Variants in SYNGR1 observed in about 807,000 individuals in gnomAD.
The protein encoded by SYNGR1 is synaptogyrin-1.
In SYNGR1, 14 loss-of-function variants were observed where a neutral mutation model predicts 26.1. The ratio of observed to expected loss-of-function variants is 0.54; its 90% CI spans 0.35 to 0.84. The LOEUF (loss-of-function observed/expected upper bound fraction) is 0.84, where lower values mean the gene tolerates loss of function less well. SYNGR1 is among the 40% of genes least tolerant of loss of function. SYNGR1 has a pLI of 0.01. For synonymous variants in SYNGR1, 141 were observed against 150.1 expected, an observed-to-expected ratio of 0.94 and a Z score of 0.44; for missense variants, 319 against 332.9, an observed-to-expected ratio of 0.96 and a Z score of 0.33.
chr22:39,376,981 G>A, intron 3 of SYNGR1: 1 of 1,550,574 alleles, frequency 6.4e-7, no homozygotes, highest in Non-Finnish European at 8.7e-7. Flanking sequence ...TCTGGGTCAT[G>A]TCTGTTTCTT....
intron 1 of SYNGR1, among the ~76,000 whole-genome samples, chr22:39,369,474 C>CG (rs1924919317): frequency 6.6e-6 from 1 of 152,170 alleles, no homozygotes; most frequent in Admixed American, 6.5e-5. Context: ...GCTACCCTCC[C>CG]GGCCTTCCTC....
At chr22:39,376,319 C>G (rs1925281935) in intron 3 of SYNGR1, 122 bp downstream of exon 3, 2 of 1,509,198 alleles carry the variant, frequency 1.3e-6, no homozygotes, top group South Asian at 1.1e-5. Context: ...TACCCTCGCT[C>G]CCTCTTCTGC....
rs1419265699 is a variant in SYNGR1 at position 39,384,877 on chromosome 22, G to A, written c.*2963G>A. 3 of 398,880 alleles carry A rather than the reference G, an allele frequency of 7.5e-6. No individual in the cohort carries two copies. The highest frequency in any genetic ancestry group is 4.1e-5 in the African/African-American group (2 of 48,624). The allele number at this position is 398,880 out of a possible 1,614,324, so 24.7% of individuals were successfully genotyped here. A position where few individuals can be genotyped will look rare whatever the true frequency, so the allele number is the denominator to read the frequency against. On this transcript the variant is annotated 3_prime_UTR_variant, in exon 4 of 4. Transcript: ENST00000328933. ...ACTTGTCCAAGGTCAAGCACAGAGGGAGAGGTTCAGGAGTCAGGTCTTCTG... is the reference window on the plus strand; with the variant it reads ...ACTTGTCCAAGGTCAAGCACAGAGGAAGAGGTTCAGGAGTCAGGTCTTCTG...
chr22:39,368,640 G>C (rs942883888), intron 1 of SYNGR1, among the ~76,000 whole-genome samples: 1 of 152,186 alleles, frequency 6.6e-6, no homozygotes, highest in Non-Finnish European at 1.5e-5. Context: ...TCTCCCAAGA[G>C]AGCCCAGTCT....
intron 1 of SYNGR1, among the ~76,000 whole-genome samples, chr22:39,354,962 C>G (rs937322177): frequency 6.6e-6 from 1 of 152,112 alleles, no homozygotes; most frequent in African/African-American, 2.4e-5. Context: ...ATTCTGGGAC[C>G]AGCGGTTGTT....
At chr22:39,376,864 G>A (rs1483201400) in intron 3 of SYNGR1, 1 of 1,411,170 alleles carries the variant, frequency 7.1e-7, no homozygotes, top group East Asian at 2.6e-5. Context: ...TGATATGTTG[G>A]AAGTTTATTC....
In SYNGR1 at chr22:39,385,156, C is replaced by T. The variant is rs1925620751; in HGVS notation, c.*3242C>T. 1 of 396,878 alleles carries T rather than the reference C, an allele frequency of 2.5e-6. No homozygotes were observed. The allele number at this position is 396,878 out of a possible 1,614,324, so 24.6% of individuals were successfully genotyped here. Reference sequence around the variant, plus strand: ...AAGACCCCTTTGATTCTCTAAGGAGCACGAAAGGGGGAATGCCCCTCCCAG... The same window carrying T: ...AAGACCCCTTTGATTCTCTAAGGAGTACGAAAGGGGGAATGCCCCTCCCAG... On this transcript the variant is annotated 3_prime_UTR_variant, in exon 4 of 4. Transcript: ENST00000328933.
chr22:39,371,067 T>C (rs1924995894), intron 1 of SYNGR1, among the ~76,000 whole-genome samples: 2 of 152,224 alleles, frequency 1.3e-5, no homozygotes, highest in South Asian at 2.1e-4. Context: ...ATAGACATCT[T>C]ACAGAGATAA....
chr22:39,381,114 C>A (rs1925484214), intron 3 of SYNGR1, among the ~76,000 whole-genome samples: 1 of 152,062 alleles, frequency 6.6e-6, no homozygotes, highest in African/African-American at 2.4e-5. Context: ...GGTGCATGGC[C>A]CCCAGGCATC....
At chr22:39,367,553 T>C (rs1924820489) in intron 1 of SYNGR1, among the ~76,000 whole-genome samples, 2 of 152,206 alleles carry the variant, frequency 1.3e-5, no homozygotes, top group South Asian at 4.1e-4. Flanking sequence ...CCGCGCGAGG[T>C]GGCTCACGCC....
intron 3 of SYNGR1, among the ~76,000 whole-genome samples, chr22:39,376,482 CTGGGTAAA>C (rs1454478625): frequency 2.6e-5 from 4 of 151,890 alleles, no homozygotes; most frequent in African/African-American, 7.3e-5. Flanking sequence ...CCAAACCACT[CTGGGTAAA>C]TGGTGTTTAT....
chr22:39,350,213 GGCGGCGGC>G lies in SYNGR1; in HGVS notation c.99+114_99+121del, dbSNP rs951878784. ...CCGACCCCGACCCCAACGGGCCCCC[GGCGGCGGC>G]GCGGCGGCGGGCGAGGAGCTGTCCT... On this transcript the variant is annotated intron_variant, in intron 1 of 3. Transcript: ENST00000328933. This position sits in a 1 kb window ranked among gnomAD's most constrained non-coding sequence, Gnocchi z 4.3. 2.7e-5 allele frequency: 21 copies of G among 788,402 alleles called. No individual in the cohort carries two copies. Among genetic ancestry groups the G allele is most frequent in the Non-Finnish European group, 4.9e-6 (3 of 614,242 alleles). 48.8% of individuals were successfully genotyped at this position (788,402 alleles called of 1,614,324 possible).
chr22:39,350,310 C>T lies in SYNGR1; in HGVS notation c.99+201C>T, dbSNP rs1180386367. Among the ~76,000 whole-genome samples the T allele has an allele frequency of 1.3e-5, 2 of 152,066 alleles. No individual in the cohort carries two copies. Among genetic ancestry groups the T allele is most frequent in the East Asian group, 3.9e-4 (2 of 5,120 alleles). On this transcript the variant is annotated intron_variant, in intron 1 of 3. Transcript: ENST00000328933. The surrounding 1 kb of genome is among the most constrained non-coding windows in gnomAD (Gnocchi z 4.3). ...CCCGGGGCGGGCGGGATCCCTGGTG[C>T]TCGCGGGAGACGCCGCTCCGGCTCC...
At chr22:39,353,918 C>T (rs1924028435) in intron 1 of SYNGR1, among the ~76,000 whole-genome samples, 1 of 152,164 alleles carries the variant, frequency 6.6e-6, no homozygotes, top group African/African-American at 2.4e-5. Context: ...GGCTAGAGTG[C>T]AGTGGCGCGA....
chr22:39,359,310 C>T (rs1924343928), intron 1 of SYNGR1, among the ~76,000 whole-genome samples: 1 of 152,092 alleles, frequency 6.6e-6, no homozygotes, highest in African/African-American at 2.4e-5. Flanking sequence ...CTCGAGGCCA[C>T]TTTGCCCGTT....
chr22:39,366,891 G>A (rs1405197626), intron 1 of SYNGR1, among the ~76,000 whole-genome samples: 1 of 152,050 alleles, frequency 6.6e-6, no homozygotes, highest in Admixed American at 6.5e-5. Flanking sequence ...GGCCCTCAAG[G>A]CCAACCCATC....
chr22:39,350,196 G>T lies in SYNGR1; in HGVS notation c.99+87G>T. 1.9e-6 allele frequency: 1 copy of T among 534,994 alleles called. No homozygotes were observed. Among genetic ancestry groups the T allele is most frequent in the Non-Finnish European group, 2.6e-6 (1 of 385,266 alleles). 33.1% of individuals were successfully genotyped at this position (534,994 alleles called of 1,614,324 possible). A position where few individuals can be genotyped will look rare whatever the true frequency, so the allele number is the denominator to read the frequency against. ...GCGCGCCCGGACCGACCCCGACCCC[G>T]ACCCCAACGGGCCCCCGGCGGCGGC... On this transcript the variant is annotated intron_variant, in intron 1 of 3. Coordinates refer to ENST00000328933, the MANE Select transcript of SYNGR1 (RefSeq NM_004711.5). This position sits in a 1 kb window ranked among gnomAD's most constrained non-coding sequence, Gnocchi z 4.3.
In SYNGR1 at chr22:39,350,159, T is replaced by C. The variant is rs763148995; in HGVS notation, c.99+50T>C. ...CTGCCAGGCCGGGGTGGTGGGGGTG[T>C]GAGCAAAGGCGGCGCGCCCGGACCG... On this transcript the variant is annotated intron_variant, in intron 1 of 3. Transcript: ENST00000328933. This position sits in a 1 kb window ranked among gnomAD's most constrained non-coding sequence, Gnocchi z 4.3. 1.5e-6 allele frequency: 2 copies of C among 1,305,522 alleles called. No individual in the cohort carries two copies. Among genetic ancestry groups the C allele is most frequent in the Non-Finnish European group, 1.0e-6 (1 of 999,692 alleles). The allele number at this position is 1,305,522 out of a possible 1,614,324, so 80.9% of individuals were successfully genotyped here. A position where few individuals can be genotyped will look rare whatever the true frequency, so the allele number is the denominator to read the frequency against.
In SYNGR1 at chr22:39,384,381, T is replaced by A; in HGVS notation, c.*2467T>A. On this transcript the variant is annotated 3_prime_UTR_variant, in exon 4 of 4. Coordinates refer to ENST00000328933, the MANE Select transcript of SYNGR1 (RefSeq NM_004711.5). ...AAGCTGTCAAGACTCCTGCCAGGAA[T>A]GGGGGGTGCTGAGTCATCTCACGAA... 1 of 397,300 alleles carries A rather than the reference T, an allele frequency of 2.5e-6. No individual in the cohort carries two copies. Among genetic ancestry groups the A allele is most frequent in the Admixed American group, 4.4e-5 (1 of 22,720 alleles). The allele number at this position is 397,300 out of a possible 1,614,324, so 24.6% of individuals were successfully genotyped here.
Sources: gnomAD v4.1 joint callset for allele counts (sites outside exome capture counted in the v4.1 genomes callset) on GRCh38, gnomAD v4.1.1 for gene constraint, Gnocchi (gnomAD v3.1) non-coding constraint, MANE v1.5 for transcripts, NCBI Gene and HGNC (gene_info 2026-07-23, HGNC 2026-07-21) for gene names.